The following IRF3 variants were observed in gnomAD, a reference collection of about 807,000 sequenced individuals.
IRF3 encodes interferon regulatory factor 3.
In IRF3, 29 loss-of-function variants were observed where a neutral mutation model predicts 43.2. That is an observed-to-expected ratio of 0.67 (90% CI 0.50 to 0.91). IRF3 has a LOEUF of 0.91. IRF3 is among the 40% of genes least tolerant of loss of function. The probability of loss-of-function intolerance (pLI) is 0.00; values close to 1 mark genes in which losing one functional copy is unlikely to be tolerated. For synonymous variants in IRF3, 228 were observed against 233.9 expected, an observed-to-expected ratio of 0.97 and a Z score of 0.23; for missense variants, 505 against 559.1, an observed-to-expected ratio of 0.90 and a Z score of 0.98.
In IRF3 at chr19:49,663,183, C is replaced by G; in HGVS notation, c.408+5G>C. On this transcript the variant is annotated splice_donor_5th_base_variant and intron_variant, in intron 4 of 7. Coordinates refer to ENST00000377139, the MANE Select transcript of IRF3 (RefSeq NM_001571.6). Reference sequence around the variant, plus strand: ...GAGGGGCATGAAAGTTGGGCACATTCTCACCTGGGTATCAGAAGTACTGCC... The same window carrying G: ...GAGGGGCATGAAAGTTGGGCACATTGTCACCTGGGTATCAGAAGTACTGCC... The G allele has an allele frequency of 6.2e-7, 1 of 1,613,472 alleles. No homozygotes were observed. Among genetic ancestry groups the G allele is most frequent in the Non-Finnish European group, 8.5e-7 (1 of 1,179,448 alleles).
Position 49,665,795 on chromosome 19 carries a change from C to T in IRF3, c.-173G>A, listed in dbSNP as rs954852467. ...CTTCTTGAAATAAAACCAACTTTAT[C>T]ATTCTTTGGGTAACAGACCCAAAAG... is the stretch of plus-strand genomic sequence containing the variant. On this transcript the variant is annotated 5_prime_UTR_variant, in exon 1 of 8. The change abolishes an upstream ATG in the 5' untranslated region. Coordinates refer to ENST00000377139, the MANE Select transcript of IRF3 (RefSeq NM_001571.6). 1.9e-6 allele frequency: 3 copies of T among 1,566,188 alleles called. No homozygotes were observed. Among genetic ancestry groups the T allele is most frequent in the African/African-American group, 1.4e-5 (1 of 73,184 alleles).
Position 49,663,347 on chromosome 19 carries a change from G to T in IRF3, c.333C>A (p.Asn111Lys). ...HDPHKIYEFV[N>K]SGVGDFSQPD... ...ACGAACCCCAAGCTGGCAGACCTGAGTTCACAAACTCGTAGATTTTATGTG... is the reference window on the plus strand; with the variant it reads ...ACGAACCCCAAGCTGGCAGACCTGATTTCACAAACTCGTAGATTTTATGTG... The change falls in exon 3 of 8, where the codon AAC becomes AAA. Residue 111 changes from asparagine to lysine, a missense_variant. Asn to Lys is a moderately conservative substitution (Grantham distance 94, BLOSUM62 0). Transcript: ENST00000377139. 3 of 1,614,206 alleles carry T rather than the reference G, an allele frequency of 1.9e-6. No homozygotes were observed. Among genetic ancestry groups the T allele is most frequent in the Non-Finnish European group, 2.5e-6 (3 of 1,180,032 alleles).
At chr19:49,660,663 C>G in intron 7 of IRF3, 50 bp downstream of exon 7, 1 of 1,486,890 alleles carries the variant, frequency 6.7e-7, no homozygotes, top group Non-Finnish European at 9.0e-7. Context: ...CAACCTCTTC[C>G]CTCTGTAAGG....
rs1187641982 is a variant in IRF3, at chr19:49,665,678, C to T, written c.-56G>A. The T allele has an allele frequency of 7.8e-6, 9 of 1,149,710 alleles. No homozygotes were observed. Among genetic ancestry groups the T allele is most frequent in the East Asian group, 2.4e-5 (1 of 41,548 alleles). 71.2% of individuals were successfully genotyped at this position (1,149,710 alleles called of 1,614,324 possible). On this transcript the variant is annotated 5_prime_UTR_variant, in exon 1 of 8. Transcript: ENST00000377139. ...GCGGGCAGCTGGAACCCACCCCTGT[C>T]TTGGAGCTCCGGGTAGCTCTCAAAC...
At chr19:49,662,737 G>C (rs1055355111) in intron 4 of IRF3, 120 bp from the exon 5 acceptor site, 7 of 808,154 alleles carry the variant, frequency 8.7e-6, no homozygotes, top group Non-Finnish European at 1.3e-5. Context: ...CCTTCAAGGG[G>C]CTTCCAGCCT....
intron 6 of IRF3, 108 bp from the exon 7 acceptor site, chr19:49,660,936 G>C (rs1015882383): frequency 3.1e-6 from 4 of 1,292,040 alleles, no homozygotes; most frequent in Non-Finnish European, 3.1e-6. Flanking sequence ...AAGGCCCTCT[G>C]CTGCCTCGAC....
intron 4 of IRF3, among the ~76,000 whole-genome samples, chr19:49,662,852 C>T (rs1373864383): frequency 6.6e-6 from 1 of 152,190 alleles, no homozygotes; most frequent in Non-Finnish European, 1.5e-5. Flanking sequence ...AAGACCTGGG[C>T]AAAGCAGGCT....
chr19:49,664,400 G>A lies in IRF3; in HGVS notation c.165+274C>T, dbSNP rs1443826198. 7.2e-6 allele frequency: 10 copies of A among 1,387,086 alleles called. No homozygotes were observed. The Admixed American group carries it at 8.4e-5, about 12-fold the overall frequency. 85.9% of individuals were successfully genotyped at this position (1,387,086 alleles called of 1,614,324 possible). A position where few individuals can be genotyped will look rare whatever the true frequency, so the allele number is the denominator to read the frequency against. On this transcript the variant is annotated intron_variant, in intron 2 of 7. Transcript: ENST00000377139. ...CTACAACCAAGAGCCCCGGCCTCTA[G>A]AAAGCCCCAAACCCCCAGGATGCAT...
chr19:49,665,515 G>A (rs1219023993), intron 1 of IRF3, 116 bp downstream of exon 1: 3 of 293,876 alleles, frequency 1.0e-5, no homozygotes, highest in African/African-American at 2.1e-5. Flanking sequence ...CTCCTTCCTT[G>A]CTCCACTTTC....
chr19:49,663,300 C>A lies in IRF3; in HGVS notation c.338-42G>T, dbSNP rs201586716. 1.3e-5 allele frequency: 21 copies of A among 1,614,054 alleles called. No individual in the cohort carries two copies. The East Asian group carries it at 4.7e-4, about 36-fold the overall frequency. ...TGAGGGGAGTAGGAGTGCCAGGAAC[C>A]CTTGGGGCCCCAGCCTCCCACACGA... On this transcript the variant is annotated intron_variant, in intron 3 of 7. Coordinates refer to ENST00000377139, the MANE Select transcript of IRF3 (RefSeq NM_001571.6).
chr19:49,662,719 G>C (rs527504775), intron 4 of IRF3, 102 bp from the exon 5 acceptor site: 62 of 975,446 alleles, frequency 6.4e-5, no homozygotes, highest in Non-Finnish European at 1.5e-5. Flanking sequence ...GGTCAGGCTT[G>C]AGCTCTGCCT....
chr19:49,664,295 A>G, intron 2 of IRF3: 1 of 496,862 alleles, frequency 2.0e-6, no homozygotes. Flanking sequence ...GGCATATACT[A>G]ATTCGGTAGT....
At chr19:49,664,438 C>G in intron 2 of IRF3, 3 of 1,500,168 alleles carry the variant, frequency 2.0e-6, no homozygotes, top group Non-Finnish European at 2.7e-6. Context: ...CCTTTGCGTA[C>G]TAACCGGCTT....
chr19:49,661,139 A>C, intron 6 of IRF3: 1 of 383,506 alleles, frequency 2.6e-6, no homozygotes, highest in Admixed American at 4.4e-5. Flanking sequence ...GTCCTGTCTG[A>C]GGCTGCATTG....
rs758132806 is a variant in IRF3, at chr19:49,660,725, G to C, written c.1086C>G (p.Leu362=). The C allele has an allele frequency of 6.9e-6, 11 of 1,603,336 alleles. No homozygotes were observed. In the East Asian group the frequency reaches 2.0e-4, roughly 30 times the overall value. Residue 362 remains leucine, a synonymous_variant, in exon 7 of 8, where the codon CTC becomes CTG. Coordinates refer to ENST00000377139, the MANE Select transcript of IRF3 (RefSeq NM_001571.6). The part of the protein sequence containing the change: ...WPQDQPWTKR[L]VMVKVVPTCL... ...GGTCTGCAGGCACCTTGACCATCAC[G>C]AGCCTCTTGGTCCACGGCTGGTCCT...
chr19:49,661,720 C>T (rs898411875), intron 6 of IRF3: 3 of 498,532 alleles, frequency 6.0e-6, no homozygotes, highest in African/African-American at 3.9e-5. Flanking sequence ...GCTGGGATTA[C>T]AGGCACGTGC....
chr19:49,662,075 C>T lies in IRF3; in HGVS notation c.855G>A (p.Arg285=). The stretch of plus-strand genomic sequence containing the variant: ...CCCAGTATGTGTGGCAGTGCCCCAG[C>T]CGCTGGGCCCAGAGCCACTGCCCGG... The part of the protein sequence containing the change: ...WRAGQWLWAQ[R]LGHCHTYWAV... Residue 285 remains arginine, a synonymous_variant, in exon 6 of 8, where the codon CGG becomes CGA. Coordinates refer to ENST00000377139, the MANE Select transcript of IRF3 (RefSeq NM_001571.6). The T allele has an allele frequency of 6.2e-7, 1 of 1,613,836 alleles. No homozygotes were observed. The highest frequency in any genetic ancestry group is 2.2e-5 in the East Asian group (1 of 44,876).
In IRF3 at chr19:49,662,507, G is replaced by T; in HGVS notation, c.519C>A (p.Ser173Arg). ...AGGGAGTGGGATTGTCCAAGCTGGG[G>T]CTCCGCAGGGGCTGAGGGCAGGGCT... Reference protein sequence around the residue: ...APEPCPQPLRSPSLDNPTPFP... With the variant: ...APEPCPQPLRRPSLDNPTPFP... The change falls in exon 5 of 8, where the codon AGC (serine) becomes AGA (arginine). Residue 173 changes from serine (S) to arginine (R), a missense_variant. Transcript: ENST00000377139. 1 of 1,561,302 alleles carries T rather than the reference G, an allele frequency of 6.4e-7. No individual in the cohort carries two copies. Among genetic ancestry groups the T allele is most frequent in the South Asian group, 1.2e-5 (1 of 84,632 alleles).
In IRF3 at chr19:49,661,740, C is replaced by T. The variant is rs145810934; in HGVS notation, c.982+208G>A. 9.5e-4 allele frequency: 566 copies of T among 595,376 alleles called. 9 individuals are homozygous for T. In the East Asian group the frequency reaches 0.016, roughly 17 times the overall value. 36.9% of individuals were successfully genotyped at this position (595,376 alleles called of 1,614,324 possible). A position where few individuals can be genotyped will look rare whatever the true frequency, so the allele number is the denominator to read the frequency against. On this transcript the variant is annotated intron_variant, in intron 6 of 7. Transcript: ENST00000377139. ...GATTACAGGCACGTGCCACCACGCCCGACTATTTTTTTGTATCTTTAGTAG... is the reference window on the plus strand; with the variant it reads ...GATTACAGGCACGTGCCACCACGCCTGACTATTTTTTTGTATCTTTAGTAG...
Sources: gnomAD v4.1 joint callset for allele counts (sites outside exome capture counted in the v4.1 genomes callset) on GRCh38, gnomAD v4.1.1 for gene constraint, MANE v1.5 for transcripts, NCBI Gene and HGNC (gene_info 2026-07-23, HGNC 2026-07-21) for gene names.